The following PDE4B variants were observed in gnomAD, a reference collection of about 807,000 sequenced individuals.
The protein encoded by PDE4B is phosphodiesterase 4B.
A neutral mutation model predicts 82.2 loss-of-function variants in PDE4B; 20 were observed. That is an observed-to-expected ratio of 0.24 (90% CI 0.17 to 0.35). The LOEUF (loss-of-function observed/expected upper bound fraction) is 0.35, where lower values mean the gene tolerates loss of function less well. PDE4B is among the 10% of genes least tolerant of loss of function. PDE4B has a pLI of 1.00. For synonymous variants in PDE4B, 320 were observed against 318.9 expected, an observed-to-expected ratio of 1.00 and a Z score of -0.04; for missense variants, 655 against 907.2, an observed-to-expected ratio of 0.72 and a Z score of 3.57.
At chr1:66,281,514 A>T (rs1656300325) in intron 7 of PDE4B, among the ~76,000 whole-genome samples, 1 of 152,228 alleles carries the variant, frequency 6.6e-6, no homozygotes, top group Non-Finnish European at 1.5e-5. Context: ...ATATGTAGGA[A>T]GTTTAACATG....
chr1:65,794,209 A>G (rs959321235), intron 1 of PDE4B, among the ~76,000 whole-genome samples: 1 of 152,192 alleles, frequency 6.6e-6, no homozygotes, highest in African/African-American at 2.4e-5. Flanking sequence ...TGCATCTTAG[A>G]TCTGAGATAT....
chr1:65,825,152 G>A (rs979069168), intron 1 of PDE4B, among the ~76,000 whole-genome samples: 2 of 152,156 alleles, frequency 1.3e-5, no homozygotes, highest in Non-Finnish European at 2.9e-5. Flanking sequence ...AGAAACTTAA[G>A]TTTCTGAGAA....
intron 8 of PDE4B, chr1:66,354,746 C>T: frequency 3.4e-6 from 5 of 1,476,756 alleles, no homozygotes; most frequent in Non-Finnish European, 3.6e-6. Flanking sequence ...TATTTTATCA[C>T]TGAATCTGCA....
At chr1:66,239,387 C>T (rs957822840) in intron 3 of PDE4B, among the ~76,000 whole-genome samples, 3 of 152,062 alleles carry the variant, frequency 2.0e-5, no homozygotes, top group South Asian at 4.1e-4. Context: ...GAGAACTTTT[C>T]CTTTCCTTAG....
chr1:65,922,115 A>G (rs1248639973), intron 3 of PDE4B, among the ~76,000 whole-genome samples: 1 of 152,226 alleles, frequency 6.6e-6, no homozygotes, highest in Admixed American at 6.5e-5. Context: ...AAGAGTTAGA[A>G]AGGACTCAAG....
chr1:66,203,756 T>C (rs1649260273), intron 3 of PDE4B, among the ~76,000 whole-genome samples: 1 of 152,184 alleles, frequency 6.6e-6, no homozygotes, highest in African/African-American at 2.4e-5. Flanking sequence ...CATCTAATTT[T>C]TTTTCAAAGT....
At chr1:66,022,650 A>G (rs1653197687) in intron 3 of PDE4B, among the ~76,000 whole-genome samples, 2 of 152,162 alleles carry the variant, frequency 1.3e-5, no homozygotes, top group South Asian at 2.1e-4. Context: ...CATCCCAGGG[A>G]TGAAACCAAC....
At chr1:66,337,220 G>T (rs1050383888) in intron 8 of PDE4B, among the ~76,000 whole-genome samples, 1 of 152,200 alleles carries the variant, frequency 6.6e-6, no homozygotes, top group Non-Finnish European at 1.5e-5. Flanking sequence ...GCATCCATTT[G>T]CTGGGCCCTG....
Position 66,096,525 on chromosome 1 carries a change from T to TATA in PDE4B, c.282-150934_282-150932dup, listed in dbSNP as rs1557557964. ...AAAAAAAATTATATATATATATATATATATATATATATATATACTGCATTT... is the reference window on the plus strand; with the variant it reads ...AAAAAAAATTATATATATATATATATATAATATATATATATATATACTGCATTT... On this transcript the variant is annotated intron_variant, in intron 3 of 16. Coordinates refer to ENST00000341517, the MANE Select transcript of PDE4B (RefSeq NM_002600.4). Among the ~76,000 whole-genome samples, 437 of 142,482 alleles carry TATA rather than the reference T, an allele frequency of 3.1e-3. 6 individuals carry two copies. The highest frequency in any genetic ancestry group is 0.01 in the African/African-American group (413 of 39,548). 93.5% of individuals were successfully genotyped at this position (142,482 alleles called of 152,430 possible). A position where few individuals can be genotyped will look rare whatever the true frequency, so the allele number is the denominator to read the frequency against.
intron 7 of PDE4B, among the ~76,000 whole-genome samples, chr1:66,325,698 C>A (rs778490326): frequency 6.6e-6 from 1 of 152,190 alleles, no homozygotes; most frequent in Non-Finnish European, 1.5e-5. Flanking sequence ...GCCAACCTTA[C>A]AAATGCTTCC....
At chr1:66,095,028 A>G (rs1369745316) in intron 3 of PDE4B, among the ~76,000 whole-genome samples, 2 of 151,876 alleles carry the variant, frequency 1.3e-5, no homozygotes, top group Non-Finnish European at 2.9e-5. Context: ...CCAAGATCAC[A>G]CCTTTGGAAA....
In PDE4B at chr1:66,248,798, A is replaced by G. The variant is rs114228596; in HGVS notation, c.476+1144A>G. ...AAGATAAGAGGAACACACACATACA[A>G]ACATAACAGAGTGAAAGGAAATAAC... is the stretch of plus-strand genomic sequence containing the variant. On this transcript the variant is annotated intron_variant, in intron 4 of 16. Transcript: ENST00000341517. 2.7e-3 allele frequency among the ~76,000 whole-genome samples: 412 copies of G among 152,314 alleles called. 3 individuals are homozygous for G. Among genetic ancestry groups the G allele is most frequent in the African/African-American group, 9.5e-3 (394 of 41,570 alleles).
At chr1:66,053,939 T>C (rs931968887) in intron 3 of PDE4B, among the ~76,000 whole-genome samples, 2 of 152,128 alleles carry the variant, frequency 1.3e-5, no homozygotes, top group African/African-American at 4.8e-5. Flanking sequence ...TGCTCAAGAC[T>C]GAGGAGTTTC....
At chr1:65,932,758 C>G (rs981201087) in intron 3 of PDE4B, among the ~76,000 whole-genome samples, 1 of 151,782 alleles carries the variant, frequency 6.6e-6, no homozygotes, top group African/African-American at 2.4e-5. Flanking sequence ...ATAAAAAGTA[C>G]CAAAAAGAAT....
rs4068855 is a variant in PDE4B at position 66,096,508 on chromosome 1, TTATATATATATATATA to T, written c.282-150933_282-150918del. ...TTAAATGCGGTATAAGTAAAAAAAA[TTATATATATATATATA>T]TATATATATATATATATACTGCATT... On this transcript the variant is annotated intron_variant, in intron 3 of 16. Transcript: ENST00000341517. Among the ~76,000 whole-genome samples the T allele has an allele frequency of 9.9e-3, 1,067 of 107,320 alleles. 69 individuals carry two copies. The highest frequency in any genetic ancestry group is 0.034 in the African/African-American group (994 of 29,644). 70.4% of individuals were successfully genotyped at this position (107,320 alleles called of 152,430 possible).
At chr1:66,326,381 T>A (rs1463456747) in intron 7 of PDE4B, among the ~76,000 whole-genome samples, 1 of 152,214 alleles carries the variant, frequency 6.6e-6, no homozygotes, top group African/African-American at 2.4e-5. Context: ...TCCCTCCTGG[T>A]CACTAAGCCC....
intron 3 of PDE4B, among the ~76,000 whole-genome samples, chr1:66,213,395 G>C (rs942841233): frequency 6.6e-6 from 1 of 151,956 alleles, no homozygotes; most frequent in Admixed American, 6.6e-5. Flanking sequence ...GAATATCTTT[G>C]GTGCCCAGAC....
At chr1:66,360,513 A>G (rs1244155398) in intron 9 of PDE4B, 2 of 152,214 alleles carry the variant, frequency 1.3e-5, no homozygotes, top group Non-Finnish European at 1.5e-5. Context: ...TTGTCTTCCT[A>G]CTAATTTTCA....
intron 3 of PDE4B, among the ~76,000 whole-genome samples, chr1:66,146,589 A>G (rs747345415): frequency 2.6e-5 from 4 of 152,132 alleles, no homozygotes; most frequent in African/African-American, 4.8e-5. Context: ...ATCAGAATCT[A>G]TGTGAATGGT....
Sources: allele counts gnomAD v4.1 joint callset (sites outside exome capture counted in the v4.1 genomes callset), GRCh38; gene constraint gnomAD v4.1.1; transcripts MANE v1.5; gene names NCBI Gene and HGNC (gene_info 2026-07-23, HGNC 2026-07-21).